The following MSI2 variants were observed in gnomAD, a reference collection of about 807,000 sequenced individuals.
MSI2 encodes RNA-binding protein Musashi homolog 2.
A neutral mutation model predicts 45.6 loss-of-function variants in MSI2; 17 were observed. The ratio of observed to expected loss-of-function variants is 0.37; its 90% CI spans 0.26 to 0.56. MSI2 has a LOEUF of 0.56. MSI2 is among the 20% of genes least tolerant of loss of function. The probability of loss-of-function intolerance (pLI) is 0.77; values close to 1 mark genes in which losing one functional copy is unlikely to be tolerated. For synonymous variants in MSI2, 156 were observed against 158.2 expected, an observed-to-expected ratio of 0.99 and a Z score of 0.11; for missense variants, 293 against 444.2, an observed-to-expected ratio of 0.66 and a Z score of 3.06.
chr17:57,622,525 A>C (rs1486304136), intron 9 of MSI2, among the ~76,000 whole-genome samples: 1 of 152,222 alleles, frequency 6.6e-6, no homozygotes, highest in Non-Finnish European at 1.5e-5. Flanking sequence ...CAGGCCCAGA[A>C]ACGAAGAGAG....
intron 7 of MSI2, among the ~76,000 whole-genome samples, chr17:57,539,915 G>C (rs2087006354): frequency 6.6e-6 from 1 of 152,192 alleles, no homozygotes; most frequent in African/African-American, 2.4e-5. Context: ...ACCTTACACA[G>C]CGTGGCAAAT....
intron 6 of MSI2, among the ~76,000 whole-genome samples, chr17:57,507,864 T>C (rs1014714952): frequency 6.6e-6 from 1 of 152,176 alleles, no homozygotes; most frequent in African/African-American, 2.4e-5. Context: ...CAGACTGGTG[T>C]CGATCTCCTG....
At chr17:57,484,846 C>A (rs1048287622) in intron 6 of MSI2, among the ~76,000 whole-genome samples, 6 of 152,116 alleles carry the variant, frequency 3.9e-5, no homozygotes, top group Admixed American at 3.9e-4. Context: ...AGAACTCTTA[C>A]CTGTGCTCGA....
intron 6 of MSI2, among the ~76,000 whole-genome samples, chr17:57,481,772 G>A (rs1398756817): frequency 1.3e-5 from 2 of 152,212 alleles, no homozygotes; most frequent in Non-Finnish European, 2.9e-5. Flanking sequence ...CATAACTGCT[G>A]TCAAAATCAA....
At chr17:57,630,941 C>G (rs1909310783) in intron 10 of MSI2, 1 of 152,276 alleles carries the variant, frequency 6.6e-6, no homozygotes, top group South Asian at 2.1e-4. Flanking sequence ...CAGCCCAGCC[C>G]TCTGCCCTCT....
At chr17:57,550,316 G>A (rs1424252248) in intron 7 of MSI2, among the ~76,000 whole-genome samples, 2 of 152,178 alleles carry the variant, frequency 1.3e-5, no homozygotes, top group Non-Finnish European at 2.9e-5. Flanking sequence ...TTCAGGATCA[G>A]TGCAAGCACA....
chr17:57,380,405 G>T (rs577236403), intron 5 of MSI2, among the ~76,000 whole-genome samples: 2 of 152,134 alleles, frequency 1.3e-5, no homozygotes, highest in Admixed American at 1.3e-4. Context: ...GTTTCTAAGC[G>T]GCGGCTTCTG....
At chr17:57,370,915 C>T (rs1339136355) in intron 5 of MSI2, among the ~76,000 whole-genome samples, 1 of 152,176 alleles carries the variant, frequency 6.6e-6, no homozygotes, top group Non-Finnish European at 1.5e-5. Context: ...GTTAATATTT[C>T]ACTGTGACTT....
chr17:57,381,699 C>A (rs908214154), intron 5 of MSI2, among the ~76,000 whole-genome samples: 1 of 152,188 alleles, frequency 6.6e-6, no homozygotes, highest in Non-Finnish European at 1.5e-5. Flanking sequence ...TTGCTAATGG[C>A]ACTTCATTTT....
In MSI2 at chr17:57,654,472, A is replaced by G. The variant is rs138689369; in HGVS notation, c.790+2311A>G. Among the ~76,000 whole-genome samples, 1,478 of 152,312 alleles carry G rather than the reference A, an allele frequency of 9.7e-3. 28 individuals are homozygous for G. The highest frequency in any genetic ancestry group is 0.034 in the African/African-American group (1,397 of 41,560). On this transcript the variant is annotated intron_variant, in intron 11 of 13. Coordinates refer to ENST00000284073, the MANE Select transcript of MSI2 (RefSeq NM_138962.4). ...GAAGCCAAGCCTGATGGGATGGCCA[A>G]TTATTTACCTGTGGGTGGCCTCTCC... is the stretch of plus-strand genomic sequence containing the variant.
chr17:57,277,780 G>C (rs34271660), intron 5 of MSI2: 1 of 152,178 alleles, frequency 6.6e-6, no homozygotes. Flanking sequence ...GACAGTGTTC[G>C]TAAAGTACAC....
At chr17:57,463,305 T>C (rs2085266636) in intron 6 of MSI2, among the ~76,000 whole-genome samples, 1 of 152,282 alleles carries the variant, frequency 6.6e-6, no homozygotes, top group African/African-American at 2.4e-5. Context: ...TTTGTCTGAC[T>C]AGGACCAATA....
At chr17:57,667,342 G>A (rs1399028546) in intron 11 of MSI2, among the ~76,000 whole-genome samples, 1 of 152,194 alleles carries the variant, frequency 6.6e-6, no homozygotes, top group African/African-American at 2.4e-5. Flanking sequence ...TCCCGGGTTG[G>A]TTTTCCCTCC....
At chr17:57,490,209 C>T (rs2085842513) in intron 6 of MSI2, among the ~76,000 whole-genome samples, 1 of 152,176 alleles carries the variant, frequency 6.6e-6, no homozygotes, top group African/African-American at 2.4e-5. Context: ...TGATGCCTGC[C>T]ACTCAGTAGA....
At chr17:57,544,181 G>A (rs1389227276) in intron 7 of MSI2, among the ~76,000 whole-genome samples, 1 of 152,176 alleles carries the variant, frequency 6.6e-6, no homozygotes, top group African/African-American at 2.4e-5. Context: ...GTGGCCCTCG[G>A]TTGGTTTCAG....
chr17:57,490,465 A>C (rs1231831029), intron 6 of MSI2, among the ~76,000 whole-genome samples: 2 of 152,202 alleles, frequency 1.3e-5, no homozygotes, highest in Non-Finnish European at 2.9e-5. Context: ...TTTGGGGGCT[A>C]CTTAAATGAT....
At chr17:57,651,452 C>T (rs533181702) in intron 10 of MSI2, among the ~76,000 whole-genome samples, 1 of 152,228 alleles carries the variant, frequency 6.6e-6, no homozygotes, top group Non-Finnish European at 1.5e-5. Flanking sequence ...GCCCCGCACT[C>T]CCTTCCCTAT....
At chr17:57,456,211 A>G (rs187847563) in intron 6 of MSI2, among the ~76,000 whole-genome samples, 1 of 152,224 alleles carries the variant, frequency 6.6e-6, no homozygotes, top group Non-Finnish European at 1.5e-5. Context: ...TTGGCAGGGA[A>G]CTCGGGGTGC....
At chr17:57,345,819 A>C (rs539736910) in intron 5 of MSI2, among the ~76,000 whole-genome samples, 2,597 of 40,068 alleles carry the variant, frequency 0.065, 36 homozygotes, top group Middle Eastern at 0.21. Context: ...ACTCCGTCTC[A>C]AAAAAAAAAA....
Sources: allele counts gnomAD v4.1 joint callset (sites outside exome capture counted in the v4.1 genomes callset), GRCh38; gene constraint gnomAD v4.1.1; transcripts MANE v1.5; gene names NCBI Gene and HGNC (gene_info 2026-07-23, HGNC 2026-07-21).